TUBA1B: variants seen among roughly 807,000 people sequenced by gnomAD.
TUBA1B encodes the protein tubulin alpha 1b.
In TUBA1B, 1 loss-of-function variant was observed where a neutral mutation model predicts 34.4. The ratio of observed to expected loss-of-function variants is 0.03; its 90% CI spans 0.01 to 0.14. TUBA1B has a LOEUF of 0.14. Among genes scored for constraint, TUBA1B ranks in the 10% least tolerant of loss-of-function variants. TUBA1B has a pLI of 1.00. For missense variants in TUBA1B, 54 were observed against 583.6 expected, an observed-to-expected ratio of 0.09 and a Z score of 9.35; for synonymous variants, 197 against 212.5, an observed-to-expected ratio of 0.93 and a Z score of 0.64.
intron 1 of TUBA1B, chr12:49,131,046 G>A: frequency 2.1e-6 from 1 of 483,746 alleles, no homozygotes; most frequent in Admixed American, 3.3e-5. Flanking sequence ...TACGGCGGAG[G>A]GCAGCCCGAG....
intron 1 of TUBA1B, 182 bp from the exon 2 acceptor site, chr12:49,129,904 T>A: frequency 8.5e-7 from 1 of 1,182,220 alleles, no homozygotes; most frequent in Non-Finnish European, 1.2e-6. Context: ...CCTCAGCCTC[T>A]GGAGCAGCTG....
chr12:49,129,922 A>G, intron 1 of TUBA1B, 200 bp from the exon 2 acceptor site: 2 of 1,097,768 alleles, frequency 1.8e-6, no homozygotes, highest in South Asian at 1.7e-5. Context: ...CTGGGACCAC[A>G]GGCACAGACC....
Position 49,131,334 on chromosome 12 carries a change from A to T in TUBA1B, c.-34T>A, listed in dbSNP as rs140919545. 700 of 1,610,166 alleles carry T rather than the reference A, an allele frequency of 4.3e-4. 2 individuals are homozygous for T. In the African/African-American group the frequency reaches 8.3e-3, roughly 19 times the overall value. On this transcript the variant is annotated 5_prime_UTR_variant, in exon 1 of 4. Coordinates refer to ENST00000336023, the MANE Select transcript of TUBA1B (RefSeq NM_006082.3). Reference sequence around the variant, plus strand: ...GGGATTAGGAGGCGAAGGCGACAGGAGCAGACACCGGGTCCCGGTTACCGT... The same window carrying T: ...GGGATTAGGAGGCGAAGGCGACAGGTGCAGACACCGGGTCCCGGTTACCGT...
chr12:49,130,137 G>A, intron 1 of TUBA1B: 2 of 1,200,264 alleles, frequency 1.7e-6, no homozygotes, highest in Non-Finnish European at 2.1e-6. Flanking sequence ...CCTAAACCGG[G>A]AAGGCCTCCT....
In TUBA1B at chr12:49,131,192, G is replaced by C. The variant is rs1417426136; in HGVS notation, c.3+106C>G. Reference sequence around the variant, plus strand: ...CTCGTTTTCCGCCCTCCAAACGGACGGCTCTGAGGCCAGCCCTTCCCGGCT... The same window carrying C: ...CTCGTTTTCCGCCCTCCAAACGGACCGCTCTGAGGCCAGCCCTTCCCGGCT... On this transcript the variant is annotated intron_variant, in intron 1 of 3. Coordinates refer to ENST00000336023, the MANE Select transcript of TUBA1B (RefSeq NM_006082.3). 2.1e-6 allele frequency: 3 copies of C among 1,417,676 alleles called. No individual in the cohort carries two copies. The African/African-American group carries it at 4.3e-5, about 20-fold the overall frequency. The allele number at this position is 1,417,676 out of a possible 1,614,324, so 87.8% of individuals were successfully genotyped here.
rs774224177 is a variant in TUBA1B, at chr12:49,129,464, G to C, written c.226+36C>G. 3.1e-6 allele frequency: 5 copies of C among 1,613,562 alleles called. No individual in the cohort carries two copies. In the East Asian group the frequency reaches 1.1e-4, roughly 36 times the overall value. On this transcript the variant is annotated intron_variant, in intron 2 of 3. Transcript: ENST00000336023. ...GCCCCTGGACAGACCTCCTGTCCCAGCATCCTGGGATCTCAGGTTACTGAG... is the reference window on the plus strand; with the variant it reads ...GCCCCTGGACAGACCTCCTGTCCCACCATCCTGGGATCTCAGGTTACTGAG...
At chr12:49,130,472 G>A in intron 1 of TUBA1B, 1 of 708,680 alleles carries the variant, frequency 1.4e-6, no homozygotes. Context: ...TTGCCTGCCG[G>A]CATCGGGCTC....
At chr12:49,129,118 A>C in intron 3 of TUBA1B, 124 bp downstream of exon 3, 4 of 1,577,764 alleles carry the variant, frequency 2.5e-6, no homozygotes, top group Non-Finnish European at 3.5e-6. Context: ...AGTCCAATTA[A>C]TATAGCAAGC....
At chr12:49,129,202 A>T (rs1941773980) in intron 3 of TUBA1B, 40 bp downstream of exon 3, 2 of 1,612,548 alleles carry the variant, frequency 1.2e-6, no homozygotes, top group African/African-American at 2.7e-5. Flanking sequence ...CACTGGAACT[A>T]TCACACCACA....
In TUBA1B at chr12:49,129,256, G is replaced by A. The variant is rs780689089; in HGVS notation, c.361C>T (p.Arg121Ter). 6.2e-7 allele frequency: 1 copy of A among 1,613,976 alleles called. No individual in the cohort carries two copies. The highest frequency in any genetic ancestry group is 1.1e-5 in the South Asian group (1 of 91,076). Reference sequence around the variant, plus strand: ...GTGGTGCTTACCAGCTTGCGAATTCGGTCCAACACAAGGTCAATGATCTCC... The same window carrying A: ...GTGGTGCTTACCAGCTTGCGAATTCAGTCCAACACAAGGTCAATGATCTCC... ...GKEIIDLVLD[R>*]IRKLADQCTG... Residue 121 changes from arginine to a stop codon, truncating the protein, a stop_gained, in exon 3 of 4, where the codon CGA becomes TGA. Coordinates refer to ENST00000336023, the MANE Select transcript of TUBA1B (RefSeq NM_006082.3). LOFTEE classifies it high-confidence loss of function.
chr12:49,130,001 C>T (rs1408612247), intron 1 of TUBA1B: 2 of 1,054,400 alleles, frequency 1.9e-6, no homozygotes, highest in East Asian at 2.9e-5. Context: ...AGGCTACTCA[C>T]GTAATCTGAA....
intron 1 of TUBA1B, chr12:49,130,021 C>A: frequency 8.8e-7 from 1 of 1,130,324 alleles, no homozygotes; most frequent in Non-Finnish European, 1.2e-6. Flanking sequence ...AAACGAATTT[C>A]CTTTTCTAAA....
rs1489490667 is a variant in TUBA1B, at chr12:49,131,366, C to G, written c.-66G>C. 9 of 1,592,026 alleles carry G rather than the reference C, an allele frequency of 5.7e-6. No individual in the cohort carries two copies. The highest frequency in any genetic ancestry group is 2.3e-5 in the South Asian group (2 of 88,844). ...ACCGGGTCCCGGTTACCGTCCCCGA[C>G]AAGCTAAGAGTCGAGGTAAGTAACG... On this transcript the variant is annotated 5_prime_UTR_variant, in exon 1 of 4. Transcript: ENST00000336023.
At chr12:49,129,875 G>A in intron 1 of TUBA1B, 153 bp from the exon 2 acceptor site, 1 of 1,325,268 alleles carries the variant, frequency 7.5e-7, no homozygotes, top group Non-Finnish European at 1.0e-6. Flanking sequence ...CTGCAGCCTA[G>A]GCTCCAGTCA....
At position 49,128,813 on chromosome 12, in the gene TUBA1B, C is replaced by T. The variant is rs1417169039; in HGVS notation, c.501G>A (p.Leu167=). The change falls in exon 4 of 4, where the codon CTG becomes CTA. Residue 167 remains leucine (L), a synonymous_variant. Coordinates refer to ENST00000336023, the MANE Select transcript of TUBA1B (RefSeq NM_006082.3). This position sits in a 1 kb window ranked among gnomAD's most constrained non-coding sequence, Gnocchi z 8.1. Reference sequence around the variant, plus strand: ...GGGGTGCTGGGTAAATGGAGAACTCCAGCTTGGACTTCTTGCCATAATCAA... The same window carrying T: ...GGGGTGCTGGGTAAATGGAGAACTCTAGCTTGGACTTCTTGCCATAATCAA... ...LSVDYGKKSK[L]EFSIYPAPQV... 6.2e-7 allele frequency: 1 copy of T among 1,613,764 alleles called. No homozygotes were observed. The highest frequency in any genetic ancestry group is 2.2e-5 in the East Asian group (1 of 44,868).
rs772015637 is a variant in TUBA1B, at chr12:49,127,926, T to G, written c.*32A>C. The G allele has an allele frequency of 6.2e-7, 1 of 1,613,860 alleles. No homozygotes were observed. Among genetic ancestry groups the G allele is most frequent in the African/African-American group, 1.3e-5 (1 of 74,940 alleles). On this transcript the variant is annotated 3_prime_UTR_variant, in exon 4 of 4. Coordinates refer to ENST00000336023, the MANE Select transcript of TUBA1B (RefSeq NM_006082.3). ...AGCTGAAGCTGAAATTCTGGGAGCA[T>G]GACATGCTGCAGGGCCAAAAGGAAT...
intron 1 of TUBA1B, chr12:49,129,965 GGAGAT>G (rs773618076): frequency 8.0e-6 from 8 of 1,002,674 alleles, no homozygotes; most frequent in Admixed American, 5.9e-5. Flanking sequence ...TTTTTTTTGT[GGAGAT>G]GAGGTCTGGC....
chr12:49,127,892 T>G lies in TUBA1B; in HGVS notation c.*66A>C. Reference sequence around the variant, plus strand: ...AATCTAACCAGAAAGCTTTAACGTCTGTCAGTTAAGCTGAAGCTGAAATTC... The same window carrying G: ...AATCTAACCAGAAAGCTTTAACGTCGGTCAGTTAAGCTGAAGCTGAAATTC... On this transcript the variant is annotated 3_prime_UTR_variant, in exon 4 of 4. Coordinates refer to ENST00000336023, the MANE Select transcript of TUBA1B (RefSeq NM_006082.3). The G allele has an allele frequency of 6.2e-7, 1 of 1,610,414 alleles. No homozygotes were observed.
Position 49,127,932 on chromosome 12 carries a change from G to T in TUBA1B, c.*26C>A. 1 of 1,613,990 alleles carries T rather than the reference G, an allele frequency of 6.2e-7. No homozygotes were observed. On this transcript the variant is annotated 3_prime_UTR_variant, in exon 4 of 4. Coordinates refer to ENST00000336023, the MANE Select transcript of TUBA1B (RefSeq NM_006082.3). ...AGCTGAAATTCTGGGAGCATGACAT[G>T]CTGCAGGGCCAAAAGGAATGGATAA...
Sources: gnomAD v4.1 joint callset for allele counts on GRCh38, gnomAD v4.1.1 for gene constraint, Gnocchi (gnomAD v3.1) non-coding constraint, MANE v1.5 for transcripts, NCBI Gene and HGNC (gene_info 2026-07-23, HGNC 2026-07-21) for gene names.